Variants in DEDD observed in about 807,000 individuals in gnomAD.
DEDD encodes death effector domain-containing protein.
Under a neutral mutation model 29.2 loss-of-function variants are expected in DEDD, and 3 were observed. That is an observed-to-expected ratio of 0.10 (90% CI 0.05 to 0.27). DEDD has a LOEUF of 0.27. DEDD is among the 10% of genes least tolerant of loss of function. The pLI is 1.00. For synonymous variants in DEDD, 152 were observed against 161.3 expected, an observed-to-expected ratio of 0.94 and a Z score of 0.44; for missense variants, 261 against 420.5, an observed-to-expected ratio of 0.62 and a Z score of 3.32.
chr1:161,128,971 G>GAGT (rs1176133381), intron 2 of DEDD, among the ~76,000 whole-genome samples: 1 of 152,134 alleles, frequency 6.6e-6, no homozygotes, highest in Non-Finnish European at 1.5e-5. Context: ...CCCATCCCAG[G>GAGT]AGGTCTACTT....
Position 161,122,177 on chromosome 1 carries a change from C to G in DEDD, c.927G>C (p.Leu309=), listed in dbSNP as rs1187099077. The G allele has an allele frequency of 1.9e-6, 3 of 1,613,882 alleles. No homozygotes were observed. Among genetic ancestry groups the G allele is most frequent in the Non-Finnish European group, 1.7e-6 (2 of 1,180,036 alleles). ...GCAATGCTTGCAGCATCAAGTTCCTCAGGAGTTTCTGTCGGCCCAGCTCAT... is the reference window on the plus strand; with the variant it reads ...GCAATGCTTGCAGCATCAAGTTCCTGAGGAGTTTCTGTCGGCCCAGCTCAT... ...EDYELGRQKL[L]RNLMLQALP Residue 309 remains leucine, a synonymous_variant, in exon 6 of 6, where the codon CTG becomes CTC. Coordinates refer to ENST00000368006, the MANE Select transcript of DEDD (RefSeq NM_032998.3). The surrounding 1 kb of genome is among the most constrained non-coding windows in gnomAD (Gnocchi z 4.2).
intron 2 of DEDD, chr1:161,125,385 A>T (rs1177159231): frequency 6.6e-6 from 1 of 152,198 alleles, no homozygotes; most frequent in Admixed American, 6.5e-5. Context: ...ACTGCTCAGA[A>T]AGTTTATCAA....
intron 4 of DEDD, 85 bp downstream of exon 4, chr1:161,123,754 T>A: frequency 1.6e-6 from 2 of 1,261,764 alleles, no homozygotes; most frequent in Non-Finnish European, 2.2e-6. Flanking sequence ...CATCCTTTCA[T>A]TTAAGCTGGC....
rs1655462311 is a variant in DEDD, at chr1:161,121,276, C to T, written c.*871G>A. ...GGGGAAGGAAAAAGGAATTACTTCACTTACACCTATGATGCCCTTTGCCCA... is the reference window on the plus strand; with the variant it reads ...GGGGAAGGAAAAAGGAATTACTTCATTTACACCTATGATGCCCTTTGCCCA... On this transcript the variant is annotated 3_prime_UTR_variant, in exon 6 of 6. Transcript: ENST00000368006. 1 of 732,374 alleles carries T rather than the reference C, an allele frequency of 1.4e-6. No homozygotes were observed. Among genetic ancestry groups the T allele is most frequent in the Non-Finnish European group, 1.7e-6 (1 of 596,772 alleles). 45.4% of individuals were successfully genotyped at this position (732,374 alleles called of 1,614,324 possible). A position where few individuals can be genotyped will look rare whatever the true frequency, so the allele number is the denominator to read the frequency against.
Position 161,122,560 on chromosome 1 carries a change from C to A in DEDD, c.581-37G>T. ...AGAAGATACAGAGCAGAAGAGGTTACAGTAAGGGATGAGTTTACAAGCCAA... is the reference window on the plus strand; with the variant it reads ...AGAAGATACAGAGCAGAAGAGGTTAAAGTAAGGGATGAGTTTACAAGCCAA... On this transcript the variant is annotated intron_variant, in intron 5 of 5. Transcript: ENST00000368006. The surrounding 1 kb of genome is among the most constrained non-coding windows in gnomAD (Gnocchi z 4.2). 1 of 1,590,272 alleles carries A rather than the reference C, an allele frequency of 6.3e-7. No homozygotes were observed. Among genetic ancestry groups the A allele is most frequent in the Non-Finnish European group, 8.6e-7 (1 of 1,165,948 alleles).
At chr1:161,125,600 C>T (rs996261979) in intron 2 of DEDD, among the ~76,000 whole-genome samples, 5 of 152,128 alleles carry the variant, frequency 3.3e-5, no homozygotes, top group Non-Finnish European at 7.3e-5. Context: ...CTCCCAGGTT[C>T]AAGCAATTCT....
intron 5 of DEDD, 45 bp downstream of exon 5, chr1:161,123,030 C>T: frequency 1.2e-6 from 2 of 1,614,206 alleles, no homozygotes; most frequent in Non-Finnish European, 1.7e-6. Context: ...TCTTTATATT[C>T]TCCTTCAAGT....
rs150901375 is a variant in DEDD at position 161,128,811 on chromosome 1, G to A, written c.-65+2004C>T. Among the ~76,000 whole-genome samples, 207 of 152,000 alleles carry A rather than the reference G, an allele frequency of 1.4e-3. 2 individuals are homozygous for A. The highest frequency in any genetic ancestry group is 4.9e-3 in the African/African-American group (204 of 41,458). ...AAACCCATCAAACAACATTCCAGAA[G>A]AAAAGAAAAGCCTGTCGGACATACA... On this transcript the variant is annotated intron_variant, in intron 2 of 5. Coordinates refer to ENST00000368006, the MANE Select transcript of DEDD (RefSeq NM_032998.3).
chr1:161,124,464 C>T lies in DEDD; in HGVS notation c.-2G>A. On this transcript the variant is annotated 5_prime_UTR_variant, in exon 3 of 6. Coordinates refer to ENST00000368006, the MANE Select transcript of DEDD (RefSeq NM_032998.3). The stretch of plus-strand genomic sequence containing the variant: ...TGCCCGCCGCTTTAGGCCCGCCATG[C>T]TGGGGGCTCAGGTACGCAATGCTTT... The T allele has an allele frequency of 6.3e-7, 1 of 1,598,282 alleles. No individual in the cohort carries two copies. Among genetic ancestry groups the T allele is most frequent in the Non-Finnish European group, 8.6e-7 (1 of 1,168,282 alleles).
In DEDD at chr1:161,130,204, A is replaced by C. The variant is rs1276106082; in HGVS notation, c.-65+611T>G. The stretch of plus-strand genomic sequence containing the variant: ...TGATATTTGTAATTTCATAGAATTA[A>C]GAGATATCTGACTCTCTCAGAAGTC... On this transcript the variant is annotated intron_variant, in intron 2 of 5. Coordinates refer to ENST00000368006, the MANE Select transcript of DEDD (RefSeq NM_032998.3). 1.3e-5 allele frequency among the ~76,000 whole-genome samples: 2 copies of C among 152,244 alleles called. 1 individual carries two copies. The highest frequency in any genetic ancestry group is 2.9e-5 in the Non-Finnish European group (2 of 68,040).
chr1:161,125,475 T>G (rs1571228679), intron 2 of DEDD: 1 of 152,160 alleles, frequency 6.6e-6, no homozygotes, highest in Admixed American at 6.5e-5. Flanking sequence ...CCATTTGTAC[T>G]CCCTTGATCT....
At chr1:161,131,950 T>G (rs918690178) in intron 1 of DEDD, among the ~76,000 whole-genome samples, 2 of 151,614 alleles carry the variant, frequency 1.3e-5, no homozygotes, top group African/African-American at 4.8e-5. Flanking sequence ...ACTTTCTCCA[T>G]TACCTCCTCC....
rs752399756 is a variant in DEDD, at chr1:161,124,334, G to C, written c.129C>G (p.Arg43=). The stretch of plus-strand genomic sequence containing the variant: ...CATCAACAAAGAGGAAAGAAAGCAC[G>C]CGCACATCTCTGTGTGTCAGATGAG... ...VGTHLTHRDV[R]VLSFLFVDVI... is the part of the protein sequence containing the mutation. The change falls in exon 3 of 6, where the codon CGC becomes CGG. Residue 43 remains arginine, a synonymous_variant. Transcript: ENST00000368006. 7 of 1,614,240 alleles carry C rather than the reference G, an allele frequency of 4.3e-6. No individual in the cohort carries two copies. The highest frequency in any genetic ancestry group is 5.9e-6 in the Non-Finnish European group (7 of 1,180,056).
chr1:161,121,525 G>C lies in DEDD; in HGVS notation c.*622C>G, dbSNP rs1164304788. ...TCTTATCTGTTCCTCCTTTGAAGAG[G>C]GTTTGACAAATGGGAAAAAGGAAGG... is the stretch of plus-strand genomic sequence containing the variant. On this transcript the variant is annotated 3_prime_UTR_variant, in exon 6 of 6. Transcript: ENST00000368006. 1 of 154,182 alleles carries C rather than the reference G, an allele frequency of 6.5e-6. No individual in the cohort carries two copies. Among genetic ancestry groups the C allele is most frequent in the Non-Finnish European group, 1.4e-5 (1 of 69,342 alleles). The allele number at this position is 154,182 out of a possible 1,614,324, so 9.6% of individuals were successfully genotyped here. A position where few individuals can be genotyped will look rare whatever the true frequency, so the allele number is the denominator to read the frequency against.
Position 161,121,208 on chromosome 1 carries a change from C to A in DEDD, c.*939G>T. On this transcript the variant is annotated 3_prime_UTR_variant, in exon 6 of 6. Transcript: ENST00000368006. ...GTGCAACACTCAGTGCATGTCCCAGCCCCATTCTCCCAAGCATGGGAGTGG... is the reference window on the plus strand; with the variant it reads ...GTGCAACACTCAGTGCATGTCCCAGACCCATTCTCCCAAGCATGGGAGTGG... 1 of 1,003,060 alleles carries A rather than the reference C, an allele frequency of 1.0e-6. No homozygotes were observed. The highest frequency in any genetic ancestry group is 1.2e-6 in the Non-Finnish European group (1 of 839,174). The allele number at this position is 1,003,060 out of a possible 1,614,324, so 62.1% of individuals were successfully genotyped here. A position where few individuals can be genotyped will look rare whatever the true frequency, so the allele number is the denominator to read the frequency against.
chr1:161,123,207 G>C lies in DEDD; in HGVS notation c.448C>G (p.Pro150Ala). 1 of 1,613,984 alleles carries C rather than the reference G, an allele frequency of 6.2e-7. No homozygotes were observed. The highest frequency in any genetic ancestry group is 1.1e-5 in the South Asian group (1 of 91,090). ...QPSKTVPPHY[P>A]VVCCPTSGPQ... ...CCCGAAGTGGGGCAACACACCACAG[G>C]ATAGTGGGGAGGCACTGACCAGAAA... Residue 150 changes from proline (P) to alanine (A), a missense_variant, in exon 5 of 6, where the codon CCT becomes GCT. Pro to Ala is a conservative substitution (Grantham distance 27). Transcript: ENST00000368006.
intron 2 of DEDD, among the ~76,000 whole-genome samples, chr1:161,126,209 A>G (rs1378308099): frequency 6.6e-6 from 1 of 152,072 alleles, no homozygotes; most frequent in Non-Finnish European, 1.5e-5. Flanking sequence ...TGCAACACCA[A>G]TCTTAACCTA....
Position 161,123,135 on chromosome 1 carries a change from C to T in DEDD, c.520G>A (p.Gly174Arg). 1 of 1,614,232 alleles carries T rather than the reference C, an allele frequency of 6.2e-7. No homozygotes were observed. Among genetic ancestry groups the T allele is most frequent in the Non-Finnish European group, 8.5e-7 (1 of 1,180,044 alleles). ...KRPARGRATL[G>R]SQRKRRKSVT... ...GACTTCCGGCGTTTTCGCTGGCTCC[C>T]AAGTGTGGCTCTCCCTCGGGCTGGC... The change falls in exon 5 of 6, where the codon GGG (glycine) becomes AGG (arginine). Residue 174 changes from glycine to arginine, a missense_variant. This residue lies in a region of DEDD where 203 missense variants were observed against 268.7 expected (regional missense o/e 0.76). Coordinates refer to ENST00000368006, the MANE Select transcript of DEDD (RefSeq NM_032998.3).
rs540819213 is a variant in DEDD at position 161,123,456 on chromosome 1, G to A, written c.434-235C>T. On this transcript the variant is annotated intron_variant, in intron 4 of 5. Transcript: ENST00000368006. ...AGATCGAGACCATCCTGGCTAACAC[G>A]GTGAAACCCCGTCTCTAAAAATACA... Among the ~76,000 whole-genome samples, 3 of 152,174 alleles carry A rather than the reference G, an allele frequency of 2.0e-5. No individual in the cohort carries two copies. The East Asian group carries it at 5.8e-4, about 29-fold the overall frequency.
Sources: gnomAD v4.1 joint callset for allele counts (sites outside exome capture counted in the v4.1 genomes callset) on GRCh38, gnomAD v4.1.1 for gene constraint, gnomAD v4.1.1 regional missense constraint, Gnocchi (gnomAD v3.1) non-coding constraint, MANE v1.5 for transcripts, NCBI Gene and HGNC (gene_info 2026-07-23, HGNC 2026-07-21) for gene names.